MS4A13: variants seen among roughly 807,000 people sequenced by gnomAD.
The protein encoded by MS4A13 is membrane-spanning 4-domains subfamily A member 13.
MS4A13 carries 21 observed loss-of-function variants against 18.4 expected under a neutral mutation model. That is an observed-to-expected ratio of 1.14 (90% CI 0.81 to 1.64). The LOEUF is 1.64. Ranked by LOEUF, MS4A13 falls within the 40% of genes most tolerant of loss-of-function variation. The pLI, the probability that MS4A13 is intolerant of heterozygous loss-of-function variation, is 0.00. For missense variants in MS4A13, 173 were observed against 176.8 expected, an observed-to-expected ratio of 0.98 and a Z score of 0.12; for synonymous variants, 62 against 57.2, an observed-to-expected ratio of 1.08 and a Z score of -0.38.
intron 5 of MS4A13, among the ~76,000 whole-genome samples, chr11:60,527,410 C>CTCTCTG (rs1555024373): frequency 5.9e-4 from 17 of 28,782 alleles, no homozygotes; most frequent in African/African-American, 2.6e-3. Flanking sequence ...CTCTCTCTCT[C>CTCTCTG]TGTGTGTGTG....
chr11:60,540,984 A>G (rs2086852980), intron 6 of MS4A13, among the ~76,000 whole-genome samples: 1 of 151,994 alleles, frequency 6.6e-6, no homozygotes, highest in African/African-American at 2.4e-5. Context: ...AAAGGAAAAG[A>G]AAACACATGA....
At chr11:60,516,561 G>A (rs2086638826) in intron 2 of MS4A13, among the ~76,000 whole-genome samples, 1 of 152,150 alleles carries the variant, frequency 6.6e-6, no homozygotes, top group African/African-American at 2.4e-5. Flanking sequence ...CTATACGACT[G>A]TTCAGCAGAG....
At chr11:60,527,436 G>GTT (rs2086726842) in intron 5 of MS4A13, among the ~76,000 whole-genome samples, 1 of 150,262 alleles carries the variant, frequency 6.7e-6, no homozygotes, top group Admixed American at 6.6e-5. Flanking sequence ...GTGTGTGTGT[G>GTT]TGTGTGTGTT....
Position 60,542,633 on chromosome 11 carries a change from T to C in MS4A13, c.*58T>C. On this transcript the variant is annotated 3_prime_UTR_variant, in exon 7 of 7. Coordinates refer to ENST00000378186, the MANE Select transcript of MS4A13 (RefSeq NM_001012417.3). The stretch of plus-strand genomic sequence containing the variant: ...TGATGCCTGGTGTGGGTCCTAATGA[T>C]ATCTCTGTATAACAAAGCAGTTACG... 9.3e-7 allele frequency: 1 copy of C among 1,078,898 alleles called. No individual in the cohort carries two copies. Among genetic ancestry groups the C allele is most frequent in the South Asian group, 1.5e-5 (1 of 68,148 alleles). The allele number at this position is 1,078,898 out of a possible 1,614,324, so 66.8% of individuals were successfully genotyped here. A position where few individuals can be genotyped will look rare whatever the true frequency, so the allele number is the denominator to read the frequency against.
At chr11:60,529,876 A>G (rs1411586050) in intron 6 of MS4A13, among the ~76,000 whole-genome samples, 2 of 152,070 alleles carry the variant, frequency 1.3e-5, no homozygotes, top group Admixed American at 1.3e-4. Context: ...TATTGCCTTC[A>G]TTGTTTTTCT....
chr11:60,525,433 C>A (rs922168356), intron 5 of MS4A13, 107 bp downstream of exon 5: 7 of 719,460 alleles, frequency 9.7e-6, no homozygotes, highest in Middle Eastern at 4.3e-4. Context: ...TCATGAAATT[C>A]TTTGATTTAG....
At chr11:60,526,904 G>T (rs573094568) in intron 5 of MS4A13, among the ~76,000 whole-genome samples, 7 of 152,264 alleles carry the variant, frequency 4.6e-5, no homozygotes, top group African/African-American at 1.7e-4. Context: ...CCCTGGAAAA[G>T]TTTCTTAACT....
At chr11:60,539,558 T>C (rs1476558921) in intron 6 of MS4A13, among the ~76,000 whole-genome samples, 3 of 151,790 alleles carry the variant, frequency 2.0e-5, no homozygotes, top group African/African-American at 7.3e-5. Flanking sequence ...ATTAAAGAAA[T>C]AATGGCTCCC....
intron 6 of MS4A13, among the ~76,000 whole-genome samples, chr11:60,539,753 A>G (rs931303885): frequency 2.6e-5 from 4 of 152,246 alleles, no homozygotes; most frequent in African/African-American, 9.6e-5. Flanking sequence ...ACAATAATAT[A>G]AACAGCTGGG....
chr11:60,522,227 G>GATGTATATATAT (rs1299811438), intron 3 of MS4A13, among the ~76,000 whole-genome samples: 1 of 97,240 alleles, frequency 1.0e-5, no homozygotes, highest in South Asian at 3.4e-4. Context: ...TAGATAGATA[G>GATGTATATATAT]ATAGATAGAT....
At chr11:60,538,998 A>C (rs1316531341) in intron 6 of MS4A13, among the ~76,000 whole-genome samples, 1 of 134,246 alleles carries the variant, frequency 7.4e-6, no homozygotes, top group Admixed American at 7.9e-5. Context: ...CAGTTCTACA[A>C]CTGCAAGGAA....
In MS4A13 at chr11:60,520,168, G is replaced by C. The variant is rs77005265; in HGVS notation, c.129+1956G>C. ...TGGAAGATAACTGAATCATGAGGCT[G>C]GGGGGGTGGCGAGTCATTCCCATGC... On this transcript the variant is annotated intron_variant, in intron 3 of 6. Transcript: ENST00000378186. Among the ~76,000 whole-genome samples the C allele has an allele frequency of 2.6e-5, 4 of 152,038 alleles. No individual in the cohort carries two copies. The East Asian group carries it at 7.7e-4, about 29-fold the overall frequency.
At chr11:60,529,789 CATT>C (rs2086751218) in intron 6 of MS4A13, among the ~76,000 whole-genome samples, 1 of 152,184 alleles carries the variant, frequency 6.6e-6, no homozygotes, top group Non-Finnish European at 1.5e-5. Flanking sequence ...ATTATATTCA[CATT>C]ATTTTGTCAC....
At chr11:60,540,121 A>C (rs536236475) in intron 6 of MS4A13, among the ~76,000 whole-genome samples, 2 of 152,218 alleles carry the variant, frequency 1.3e-5, no homozygotes, top group Non-Finnish European at 2.9e-5. Context: ...CATTGGGCTC[A>C]CCCAGGTAAT....
intron 6 of MS4A13, among the ~76,000 whole-genome samples, chr11:60,530,272 G>A (rs2086755704): frequency 6.6e-6 from 1 of 152,110 alleles, no homozygotes; most frequent in Non-Finnish European, 1.5e-5. Flanking sequence ...GGGGAGAAAG[G>A]CAATAAACAA....
intron 6 of MS4A13, among the ~76,000 whole-genome samples, chr11:60,539,079 G>A (rs900331173): frequency 2.1e-4 from 29 of 140,618 alleles, no homozygotes; most frequent in Non-Finnish European, 3.0e-4. Context: ...TAATAGCCCA[G>A]GACAGCCAAC....
chr11:60,520,670 T>A (rs1326015267), intron 3 of MS4A13, among the ~76,000 whole-genome samples: 1 of 152,218 alleles, frequency 6.6e-6, no homozygotes, highest in Admixed American at 6.5e-5. Context: ...TGGCTTCACA[T>A]GGTGTAGCCC....
In MS4A13 at chr11:60,518,205, G is replaced by C; in HGVS notation, c.122G>C (p.Gly41Ala). ...TACAAAACAGGATGTACTTTATGGGGAATTTTTGTGAGTAGAATACATATA... is the reference window on the plus strand; with the variant it reads ...TACAAAACAGGATGTACTTTATGGGCAATTTTTGTGAGTAGAATACATATA... The part of the protein sequence containing the change: ...VTYKTGCTLW[G>A]IFFIIAGVFL... Residue 41 changes from glycine to alanine, a missense_variant, in exon 3 of 7, where the codon GGA becomes GCA. Coordinates refer to ENST00000378186, the MANE Select transcript of MS4A13 (RefSeq NM_001012417.3). 1 of 1,607,532 alleles carries C rather than the reference G, an allele frequency of 6.2e-7. No homozygotes were observed. Among genetic ancestry groups the C allele is most frequent in the Non-Finnish European group, 8.5e-7 (1 of 1,176,444 alleles).
intron 2 of MS4A13, among the ~76,000 whole-genome samples, chr11:60,516,292 C>T (rs1381925397): frequency 1.3e-5 from 2 of 151,802 alleles, no homozygotes; most frequent in African/African-American, 4.8e-5. Context: ...TAAACCAACA[C>T]ACACAGGATA....
Sources: allele counts gnomAD v4.1 joint callset (sites outside exome capture counted in the v4.1 genomes callset), GRCh38; gene constraint gnomAD v4.1.1; transcripts MANE v1.5; gene names NCBI Gene and HGNC (gene_info 2026-07-23, HGNC 2026-07-21).